The following CA10 variants were observed in gnomAD, a reference collection of about 807,000 sequenced individuals.
The protein encoded by CA10 is carbonic anhydrase-related protein 10.
In CA10, 14 loss-of-function variants were observed where a neutral mutation model predicts 44.2. That is an observed-to-expected ratio of 0.32 (90% CI 0.21 to 0.50). CA10 has a LOEUF of 0.50. CA10 is among the 20% of genes least tolerant of loss of function. The pLI, the probability that CA10 is intolerant of heterozygous loss-of-function variation, is 0.99. For missense variants in CA10, 350 were observed against 409.7 expected (o/e 0.85, Z 1.26); for synonymous variants, 159 against 141.6 (o/e 1.12, Z -0.87).
At chr17:51,827,133 C>A (rs1049985192) in intron 3 of CA10, among the ~76,000 whole-genome samples, 3 of 152,134 alleles carry the variant, frequency 2.0e-5, no homozygotes, top group African/African-American at 7.2e-5. Flanking sequence ...CCGTTTTTAC[C>A]AGTTTTGGCA....
intron 1 of CA10, among the ~76,000 whole-genome samples, chr17:52,150,143 C>T (rs1412473713): frequency 2.0e-5 from 3 of 152,080 alleles, no homozygotes; most frequent in Non-Finnish European, 4.4e-5. Flanking sequence ...TTTGCAAATG[C>T]TGTTTCATAT....
chr17:52,031,960 G>A (rs1299660457), intron 2 of CA10, among the ~76,000 whole-genome samples: 3 of 152,090 alleles, frequency 2.0e-5, no homozygotes, highest in Admixed American at 6.6e-5. Flanking sequence ...GAAATTGAAA[G>A]CACTCTGAAA....
intron 4 of CA10, among the ~76,000 whole-genome samples, chr17:51,673,966 C>T (rs1914522683): frequency 1.2e-5 from 1 of 84,230 alleles, no homozygotes; most frequent in Non-Finnish European, 2.5e-5. Context: ...CCTAGAATGT[C>T]CTTCCCCCCC....
In CA10 at chr17:51,683,063, C is replaced by T. The variant is rs182015612; in HGVS notation, c.466-29327G>A. 2.4e-3 allele frequency among the ~76,000 whole-genome samples: 360 copies of T among 152,280 alleles called. 1 individual carries two copies. The highest frequency in any genetic ancestry group is 2.4e-3 in the Non-Finnish European group (162 of 68,026). On this transcript the variant is annotated intron_variant, in intron 4 of 8. Transcript: ENST00000451037. ...CATCACTTCAGGGGTTTCTAATGAT[C>T]GGCTAGATTGGAAAACACTTCATTA...
intron 4 of CA10, among the ~76,000 whole-genome samples, chr17:51,699,296 C>G (rs1308178626): frequency 1.3e-5 from 2 of 149,950 alleles, no homozygotes; most frequent in Non-Finnish European, 2.9e-5. Context: ...GCATGCCAGC[C>G]TGGGTGACAA....
chr17:51,801,113 T>C (rs754020858), intron 3 of CA10, among the ~76,000 whole-genome samples: 11 of 152,280 alleles, frequency 7.2e-5, no homozygotes, highest in Admixed American at 2.6e-4. Context: ...GCATCTTCTC[T>C]CTCTCCTATG....
At chr17:51,947,965 C>T (rs1983347439) in intron 2 of CA10, among the ~76,000 whole-genome samples, 1 of 152,050 alleles carries the variant, frequency 6.6e-6, no homozygotes, top group African/African-American at 2.4e-5. Flanking sequence ...TGGGGATAGA[C>T]CAAACCCACA....
At chr17:51,645,671 C>T (rs1913303058) in intron 6 of CA10, among the ~76,000 whole-genome samples, 1 of 152,158 alleles carries the variant, frequency 6.6e-6, no homozygotes, top group South Asian at 2.1e-4. Flanking sequence ...ATCTTCACTG[C>T]AATTAGTTTT....
intron 1 of CA10, among the ~76,000 whole-genome samples, chr17:52,150,586 T>C (rs1349946852): frequency 1.3e-5 from 2 of 152,180 alleles, no homozygotes; most frequent in South Asian, 4.1e-4. Context: ...GTAAAATGGA[T>C]ATATCATTTA....
At chr17:52,026,881 C>A (rs765626915) in intron 2 of CA10, among the ~76,000 whole-genome samples, 62 of 151,932 alleles carry the variant, frequency 4.1e-4, no homozygotes, top group African/African-American at 1.4e-3. Flanking sequence ...ATTTCTGGCA[C>A]GAGGAACCAG....
At chr17:52,096,795 T>G (rs1033756260) in intron 1 of CA10, among the ~76,000 whole-genome samples, 2 of 152,236 alleles carry the variant, frequency 1.3e-5, no homozygotes, top group African/African-American at 4.8e-5. Flanking sequence ...AAATATGCTT[T>G]TGGTTTTCTA....
At chr17:51,869,737 C>T (rs541033428) in intron 3 of CA10, among the ~76,000 whole-genome samples, 1 of 152,022 alleles carries the variant, frequency 6.6e-6, no homozygotes, top group Non-Finnish European at 1.5e-5. Flanking sequence ...GAGCAAACCC[C>T]CTGTCTCTAC....
chr17:51,969,043 G>A (rs906553115), intron 2 of CA10, among the ~76,000 whole-genome samples: 4 of 151,658 alleles, frequency 2.6e-5, no homozygotes, highest in East Asian at 1.9e-4. Flanking sequence ...TCTCTCCACC[G>A]AGCTTTGATA....
At chr17:51,714,836 C>T (rs182513943) in intron 4 of CA10, among the ~76,000 whole-genome samples, 6 of 152,282 alleles carry the variant, frequency 3.9e-5, no homozygotes, top group Admixed American at 1.3e-4. Flanking sequence ...TTGGAAATTA[C>T]GGCTCTTCCT....
chr17:51,731,673 A>AAAAATT (rs570339949), intron 4 of CA10, among the ~76,000 whole-genome samples: 6 of 27,370 alleles, frequency 2.2e-4, no homozygotes, highest in African/African-American at 3.9e-4. Flanking sequence ...AAAAAAAAAA[A>AAAAATT]GATTTATTTA....
At chr17:51,759,823 C>A (rs1224768185) in intron 3 of CA10, among the ~76,000 whole-genome samples, 4 of 152,186 alleles carry the variant, frequency 2.6e-5, no homozygotes, top group Non-Finnish European at 2.9e-5. Flanking sequence ...CTTTCTCCAT[C>A]CTCCCTTCGT....
At chr17:52,013,806 T>C (rs1286560025) in intron 2 of CA10, among the ~76,000 whole-genome samples, 4 of 152,000 alleles carry the variant, frequency 2.6e-5, no homozygotes, top group African/African-American at 4.8e-5. Context: ...GATACCAAAA[T>C]CTGTAGTTGC....
intron 3 of CA10, among the ~76,000 whole-genome samples, chr17:51,782,049 GTACA>G (rs1906084310): frequency 6.6e-6 from 1 of 152,118 alleles, no homozygotes. Flanking sequence ...TTCATTCCAT[GTACA>G]TTAGTCTCTT....
At chr17:51,906,701 C>G (rs1981570269) in intron 3 of CA10, among the ~76,000 whole-genome samples, 1 of 152,118 alleles carries the variant, frequency 6.6e-6, no homozygotes, top group Admixed American at 6.6e-5. Flanking sequence ...AACTCAGTAA[C>G]TCCAGATTAG....
Sources: gnomAD v4.1 joint callset for allele counts (sites outside exome capture counted in the v4.1 genomes callset) on GRCh38, gnomAD v4.1.1 for gene constraint, MANE v1.5 for transcripts, NCBI Gene and HGNC (gene_info 2026-07-23, HGNC 2026-07-21) for gene names.